CNTNAP2: variants seen among roughly 807,000 people sequenced by gnomAD.
CNTNAP2 encodes the protein contactin associated protein 2.
CNTNAP2 carries 98 observed loss-of-function variants against 155.2 expected under a neutral mutation model. The observed-to-expected ratio is 0.63, with a 90% CI of 0.54 to 0.75. The LOEUF is 0.75. Ranked by LOEUF, CNTNAP2 falls within the 30% of genes least tolerant of loss-of-function variation. The pLI, the probability that CNTNAP2 is intolerant of heterozygous loss-of-function variation, is 0.00. For missense variants in CNTNAP2, 1,727 were observed against 1,688.1 expected, an observed-to-expected ratio of 1.02 and a Z score of -0.40; for synonymous variants, 651 against 631.2, an observed-to-expected ratio of 1.03 and a Z score of -0.47.
chr7:147,211,035 T>G (rs1173778198), intron 8 of CNTNAP2, among the ~76,000 whole-genome samples: 1 of 151,640 alleles, frequency 6.6e-6, no homozygotes, highest in Non-Finnish European at 1.5e-5. Context: ...TTTTATTTAT[T>G]GAGACTTGCT....
At chr7:146,915,484 T>C (rs755641752) in intron 3 of CNTNAP2, among the ~76,000 whole-genome samples, 2 of 152,198 alleles carry the variant, frequency 1.3e-5, no homozygotes, top group African/African-American at 4.8e-5. Context: ...ATCTATGATT[T>C]CTTTCAGCAG....
chr7:146,687,972 G>T (rs1800631540), intron 1 of CNTNAP2, among the ~76,000 whole-genome samples: 1 of 152,076 alleles, frequency 6.6e-6, no homozygotes, highest in Admixed American at 6.6e-5. Context: ...TAATCAACTG[G>T]GGATTATAAT....
intron 21 of CNTNAP2, among the ~76,000 whole-genome samples, chr7:148,303,500 G>A (rs530129742): frequency 6.6e-5 from 10 of 152,236 alleles, no homozygotes; most frequent in African/African-American, 1.9e-4. Context: ...AAGTCCCTCG[G>A]GGCCTATAAG....
At chr7:147,963,836 A>C (rs1801158381) in intron 14 of CNTNAP2, among the ~76,000 whole-genome samples, 1 of 152,156 alleles carries the variant, frequency 6.6e-6, no homozygotes, top group African/African-American at 2.4e-5. Flanking sequence ...CCATGAAATT[A>C]TCACCCAGAT....
At chr7:146,776,470 G>T (rs1802391695) in intron 2 of CNTNAP2, among the ~76,000 whole-genome samples, 1 of 152,180 alleles carries the variant, frequency 6.6e-6, no homozygotes, top group Admixed American at 6.5e-5. Flanking sequence ...CACATGACTG[G>T]TGTTGAGCAA....
chr7:146,950,046 A>G (rs1797277331), intron 3 of CNTNAP2, among the ~76,000 whole-genome samples: 1 of 152,180 alleles, frequency 6.6e-6, no homozygotes. Flanking sequence ...TTAACAAGAG[A>G]AACAATAACA....
At chr7:147,230,710 A>G (rs1323833210) in intron 8 of CNTNAP2, among the ~76,000 whole-genome samples, 4 of 152,164 alleles carry the variant, frequency 2.6e-5, no homozygotes, top group East Asian at 1.9e-4. Context: ...CTTATAACTG[A>G]AAGTTTGTAC....
chr7:147,717,993 A>G (rs1203323537), intron 13 of CNTNAP2, among the ~76,000 whole-genome samples: 3 of 151,906 alleles, frequency 2.0e-5, no homozygotes, highest in African/African-American at 7.3e-5. Flanking sequence ...ATACTTTATT[A>G]TATCTAATTG....
At chr7:146,311,550 C>T (rs1029863258) in intron 1 of CNTNAP2, among the ~76,000 whole-genome samples, 6 of 147,638 alleles carry the variant, frequency 4.1e-5, no homozygotes, top group African/African-American at 1.5e-4. Flanking sequence ...GCTGGAGAAT[C>T]CCTCGAAGCC....
At chr7:147,782,065 T>C (rs1204639732) in intron 13 of CNTNAP2, among the ~76,000 whole-genome samples, 1 of 150,868 alleles carries the variant, frequency 6.6e-6, no homozygotes, top group Non-Finnish European at 1.5e-5. Context: ...GGGGTGACTA[T>C]GAAGTAGAAT....
chr7:147,601,386 G>A (rs971519142), intron 12 of CNTNAP2, among the ~76,000 whole-genome samples: 2 of 151,750 alleles, frequency 1.3e-5, no homozygotes, highest in Admixed American at 6.6e-5. Flanking sequence ...TCTCTGGCGG[G>A]CAGGGGTGGG....
At chr7:147,909,083 A>T (rs1033327841) in intron 14 of CNTNAP2, among the ~76,000 whole-genome samples, 6 of 152,196 alleles carry the variant, frequency 3.9e-5, no homozygotes, top group African/African-American at 9.6e-5. Flanking sequence ...AAATTATTTT[A>T]AAATGTCTTA....
intron 1 of CNTNAP2, among the ~76,000 whole-genome samples, chr7:146,615,407 C>A (rs1019715473): frequency 6.6e-6 from 1 of 152,152 alleles, no homozygotes; most frequent in African/African-American, 2.4e-5. Context: ...TAGAGCCCTT[C>A]AGAAGGGCCA....
At chr7:146,591,404 T>C (rs933192056) in intron 1 of CNTNAP2, among the ~76,000 whole-genome samples, 2 of 12,098 alleles carry the variant, frequency 1.7e-4, no homozygotes, top group African/African-American at 1.2e-3. Flanking sequence ...GGGTGGTAAA[T>C]GTGGAATAAT....
intron 1 of CNTNAP2, among the ~76,000 whole-genome samples, chr7:146,581,270 A>G (rs974568218): frequency 1.3e-5 from 2 of 152,116 alleles, no homozygotes; most frequent in African/African-American, 4.8e-5. Flanking sequence ...CCTACAGGTT[A>G]TTATATGCAA....
intron 8 of CNTNAP2, among the ~76,000 whole-genome samples, chr7:147,264,715 G>A (rs1239066974): frequency 6.6e-6 from 1 of 151,526 alleles, no homozygotes; most frequent in African/African-American, 2.4e-5. Flanking sequence ...ATAACACCAA[G>A]GTCACACAAG....
intron 21 of CNTNAP2, among the ~76,000 whole-genome samples, chr7:148,298,836 C>A (rs1366119525): frequency 6.6e-6 from 1 of 151,862 alleles, no homozygotes; most frequent in African/African-American, 2.4e-5. Context: ...GTAACTGGGA[C>A]TACAGGCACA....
At chr7:147,201,487 A>T (rs962717135) in intron 8 of CNTNAP2, among the ~76,000 whole-genome samples, 4 of 152,038 alleles carry the variant, frequency 2.6e-5, no homozygotes, top group African/African-American at 9.7e-5. Context: ...ATTCTTTAGA[A>T]ATATTATATC....
intron 1 of CNTNAP2, among the ~76,000 whole-genome samples, chr7:146,211,649 C>T (rs900588117): frequency 5.3e-5 from 8 of 152,026 alleles, no homozygotes; most frequent in African/African-American, 1.9e-4. Flanking sequence ...CATATAGGTT[C>T]TTGACCACAA....
Sources: allele counts gnomAD v4.1 joint callset (sites outside exome capture counted in the v4.1 genomes callset), GRCh38; gene constraint gnomAD v4.1.1; transcripts MANE v1.5; gene names NCBI Gene and HGNC (gene_info 2026-07-23, HGNC 2026-07-21).